The following SLC5A1 variants were observed in gnomAD, a reference collection of about 807,000 sequenced individuals.
SLC5A1 encodes the protein solute carrier family 5 member 1.
SLC5A1 carries 42 observed loss-of-function variants against 73.5 expected under a neutral mutation model. The ratio of observed to expected loss-of-function variants is 0.57; its 90% CI spans 0.45 to 0.74. The LOEUF is 0.74. Among genes scored for constraint, SLC5A1 ranks in the 30% least tolerant of loss-of-function variants. The pLI is 0.00. For missense variants in SLC5A1, 634 were observed against 855.4 expected (o/e 0.74, Z 3.23); for synonymous variants, 300 against 317.4 (o/e 0.95, Z 0.58).
chr22:32,101,556 A>C (rs1418847886), intron 12 of SLC5A1, among the ~76,000 whole-genome samples: 1 of 152,194 alleles, frequency 6.6e-6, no homozygotes, highest in Non-Finnish European at 1.5e-5. Context: ...TCTTCCAAAG[A>C]CCCAATTTCT....
At chr22:32,079,573 A>G (rs942480996) in intron 5 of SLC5A1, among the ~76,000 whole-genome samples, 1 of 152,226 alleles carries the variant, frequency 6.6e-6, no homozygotes, top group Non-Finnish European at 1.5e-5. Flanking sequence ...GCATGTTGTC[A>G]TAAAGCATTA....
chr22:32,083,930 T>C (rs894539749), intron 7 of SLC5A1, among the ~76,000 whole-genome samples: 12 of 152,042 alleles, frequency 7.9e-5, no homozygotes, highest in African/African-American at 2.2e-4. Context: ...AATTGAGAGG[T>C]GGCAGGTTCT....
At position 32,072,487 on chromosome 22, in the gene SLC5A1, T is replaced by C. The variant is rs113953968; in HGVS notation, c.477+3887T>C. The stretch of plus-strand genomic sequence containing the variant: ...CTGATGGGCATTTAGGTTGATTTCA[T>C]ATCTTTACTACTGTGAATAACGCTC... On this transcript the variant is annotated intron_variant, in intron 5 of 14. Transcript: ENST00000266088. 5.6e-3 allele frequency among the ~76,000 whole-genome samples: 855 copies of C among 152,352 alleles called. 4 individuals carry two copies. Among genetic ancestry groups the C allele is most frequent in the African/African-American group, 0.015 (634 of 41,592 alleles).
rs563613145 is a variant in SLC5A1, at chr22:32,048,145, C to A, written c.136-1798C>A. ...CCAGCCTGGGCAACAGAATGAGACT[C>A]CATGTAAAAAAAAAAAAAAAAAAAA... On this transcript the variant is annotated intron_variant, in intron 1 of 14. Coordinates refer to ENST00000266088, the MANE Select transcript of SLC5A1 (RefSeq NM_000343.4). 1.9e-4 allele frequency among the ~76,000 whole-genome samples: 28 copies of A among 143,836 alleles called. 1 individual carries two copies. The highest frequency in any genetic ancestry group is 1.7e-3 in the Admixed American group (24 of 14,524). 94.4% of individuals were successfully genotyped at this position (143,836 alleles called of 152,430 possible).
chr22:32,046,792 T>C (rs569979675), intron 1 of SLC5A1, among the ~76,000 whole-genome samples: 117 of 152,300 alleles, frequency 7.7e-4, no homozygotes, highest in Middle Eastern at 3.4e-3. Flanking sequence ...AACCAAAACA[T>C]TGTGGGTCAG....
intron 12 of SLC5A1, among the ~76,000 whole-genome samples, chr22:32,099,923 G>T (rs2094033560): frequency 6.6e-6 from 1 of 152,234 alleles, no homozygotes; most frequent in African/African-American, 2.4e-5. Flanking sequence ...AAGTGCGTAA[G>T]AAGTAAGGGA....
chr22:32,051,344 G>A (rs1056416528), intron 2 of SLC5A1, among the ~76,000 whole-genome samples: 1 of 152,082 alleles, frequency 6.6e-6, no homozygotes, highest in African/African-American at 2.4e-5. Flanking sequence ...GAATCTCAAA[G>A]GCTCTTCCAG....
intron 3 of SLC5A1, among the ~76,000 whole-genome samples, chr22:32,067,357 T>A (rs1076023): frequency 0.08 from 613 of 7,690 alleles, 3 homozygotes; most frequent in East Asian, 0.25. Context: ...TATTATTATT[T>A]TTTTTAAAAA....
intron 11 of SLC5A1, 72 bp from the exon 12 acceptor site, chr22:32,099,099 AAAAAAAATATAT>A (rs1403117759): frequency 4.6e-4 from 73 of 160,326 alleles, no homozygotes; most frequent in Non-Finnish European, 5.1e-4. Flanking sequence ...AAAAAAAAAA[AAAAAAAATATAT>A]ATATATATAT....
chr22:32,083,666 A>G (rs1447694456), intron 7 of SLC5A1, among the ~76,000 whole-genome samples: 2 of 143,838 alleles, frequency 1.4e-5, no homozygotes, highest in Non-Finnish European at 3.1e-5. Flanking sequence ...CCTCCAATTA[A>G]TTTTTTTTTT....
In SLC5A1 at chr22:32,086,308, G is replaced by A; in HGVS notation, c.1110G>A (p.Val370=). Residue 370 remains valine (V), a synonymous_variant, in exon 10 of 15, where the codon GTG becomes GTA. Transcript: ENST00000266088. The part of the protein sequence containing the change: ...GCTNIAYPTL[V]VELMPNGLRG... ...CCAACATCGCCTATCCAACCTTAGTGGTGGAGCTCATGCCCAATGGTGAGA... is the reference window on the plus strand; with the variant it reads ...CCAACATCGCCTATCCAACCTTAGTAGTGGAGCTCATGCCCAATGGTGAGA... 6.2e-7 allele frequency: 1 copy of A among 1,611,520 alleles called. No homozygotes were observed. The highest frequency in any genetic ancestry group is 8.5e-7 in the Non-Finnish European group (1 of 1,177,590).
At chr22:32,082,438 C>T (rs557101319) in intron 6 of SLC5A1, among the ~76,000 whole-genome samples, 2 of 152,178 alleles carry the variant, frequency 1.3e-5, no homozygotes, top group African/African-American at 4.8e-5. Flanking sequence ...ACACAGTATA[C>T]TGGGGTTTGG....
intron 13 of SLC5A1, among the ~76,000 whole-genome samples, chr22:32,104,185 G>T (rs961615667): frequency 6.6e-6 from 1 of 152,212 alleles, no homozygotes; most frequent in South Asian, 2.1e-4. Flanking sequence ...ACCTGTCACA[G>T]GCTTTCTTTG....
In SLC5A1 at chr22:32,049,987, G is replaced by A; in HGVS notation, c.180G>A (p.Leu60=). The change falls in exon 2 of 15, where the codon CTG becomes CTA. Residue 60 remains leucine (L), a synonymous_variant. Coordinates refer to ENST00000266088, the MANE Select transcript of SLC5A1 (RefSeq NM_000343.4). ...GTGGGACTGTTGGAGGCTTCTTCCTGGCAGGCCGAAGTATGGTGTGGTGGC... is the reference window on the plus strand; with the variant it reads ...GTGGGACTGTTGGAGGCTTCTTCCTAGCAGGCCGAAGTATGGTGTGGTGGC... ...TNRGTVGGFF[L]AGRSMVWWPI... The A allele has an allele frequency of 6.2e-7, 1 of 1,614,104 alleles. No individual in the cohort carries two copies. The highest frequency in any genetic ancestry group is 8.5e-7 in the Non-Finnish European group (1 of 1,179,980).
In SLC5A1 at chr22:32,106,659, G is replaced by A. The variant is rs78852783; in HGVS notation, c.1771+1768G>A. ...AAATGCAGAAAATCAAATTTCTCTC[G>A]AAGACCAATGAAATAACGCTTAGTC... On this transcript the variant is annotated intron_variant, in intron 14 of 14. Transcript: ENST00000266088. Among the ~76,000 whole-genome samples the A allele has an allele frequency of 7.7e-3, 1,169 of 152,252 alleles. 15 individuals carry two copies. The highest frequency in any genetic ancestry group is 0.027 in the African/African-American group (1,101 of 41,532).
chr22:32,044,161 T>C (rs1217809355), intron 1 of SLC5A1, among the ~76,000 whole-genome samples: 1 of 151,928 alleles, frequency 6.6e-6, no homozygotes, highest in Non-Finnish European at 1.5e-5. Flanking sequence ...GCCCAACAAC[T>C]AGAGGAGGAG....
chr22:32,086,519 G>C (rs1213414622), intron 10 of SLC5A1, among the ~76,000 whole-genome samples, 192 bp downstream of exon 10: 1 of 152,160 alleles, frequency 6.6e-6, no homozygotes, highest in Non-Finnish European at 1.5e-5. Flanking sequence ...CATATGACTT[G>C]GTTGGGTTCT....
chr22:32,068,427 C>A, intron 4 of SLC5A1, 69 bp from the exon 5 acceptor site: 1 of 944,696 alleles, frequency 1.1e-6, no homozygotes, highest in Non-Finnish European at 1.8e-6. Context: ...AGGATGGTGT[C>A]ACTGTTCTGT....
intron 5 of SLC5A1, among the ~76,000 whole-genome samples, chr22:32,078,709 GT>G (rs1392575197): frequency 2.0e-5 from 3 of 152,006 alleles, no homozygotes; most frequent in Non-Finnish European, 2.9e-5. Context: ...AATCCCAGTA[GT>G]TTGGGAGGCT....
Sources: allele counts gnomAD v4.1 joint callset (sites outside exome capture counted in the v4.1 genomes callset), GRCh38; gene constraint gnomAD v4.1.1; transcripts MANE v1.5; gene names NCBI Gene and HGNC (gene_info 2026-07-23, HGNC 2026-07-21).